Variants in AGAP1 observed in about 807,000 individuals in gnomAD.
AGAP1 encodes arf-GAP with GTPase, ANK repeat and PH domain-containing protein 1.
AGAP1 carries 29 observed loss-of-function variants against 105.3 expected under a neutral mutation model. That is an observed-to-expected ratio of 0.28 (90% confidence interval 0.21 to 0.38). AGAP1 has a LOEUF of 0.38. AGAP1 is among the 10% of genes least tolerant of loss of function. The pLI, the probability that AGAP1 is intolerant of heterozygous loss-of-function variation, is 1.00. For missense variants in AGAP1, 998 were observed against 1,165.1 expected, an observed-to-expected ratio of 0.86 and a Z score of 2.09; for synonymous variants, 509 against 485.9, an observed-to-expected ratio of 1.05 and a Z score of -0.63.
At position 235,753,285 on chromosome 2, in the gene AGAP1, G is replaced by A. The variant is rs578124169; in HGVS notation, c.673+2797G>A. Among the ~76,000 whole-genome samples the A allele has an allele frequency of 2.6e-5, 4 of 152,284 alleles. No individual in the cohort carries two copies. The highest frequency in any genetic ancestry group is 2.1e-4 in the South Asian group (1 of 4,826). ...TTAGTTTAAAATATTCAGAAAAAGC[G>A]TTTCCGTTACTGTGACAGCTCATGT... is the stretch of plus-strand genomic sequence containing the variant. On this transcript the variant is annotated intron_variant, in intron 6 of 17. Transcript: ENST00000304032. This position sits in a 1 kb window ranked among gnomAD's most constrained non-coding sequence, Gnocchi z 4.5.
In AGAP1 at chr2:235,552,884, G is replaced by C. The variant is rs947149324; in HGVS notation, c.163+58035G>C. Among the ~76,000 whole-genome samples the C allele has an allele frequency of 1.2e-4, 18 of 152,204 alleles. No individual in the cohort carries two copies. Among genetic ancestry groups the C allele is most frequent in the African/African-American group, 3.1e-4 (13 of 41,450 alleles). On this transcript the variant is annotated intron_variant, in intron 1 of 17. Transcript: ENST00000304032. This position sits in a 1 kb window ranked among gnomAD's most constrained non-coding sequence, Gnocchi z 5.9. ...CAGAGCATTGGAGGCCTTGTTGTGGGCTCAAGGAGTGCAGAGAGGCAGCGC... is the reference window on the plus strand; with the variant it reads ...CAGAGCATTGGAGGCCTTGTTGTGGCCTCAAGGAGTGCAGAGAGGCAGCGC...
chr2:235,552,023 T>C lies in AGAP1; in HGVS notation c.163+57174T>C, dbSNP rs1943829028. Among the ~76,000 whole-genome samples, 1 of 152,248 alleles carries C rather than the reference T, an allele frequency of 6.6e-6. No individual in the cohort carries two copies. Among genetic ancestry groups the C allele is most frequent in the Non-Finnish European group, 1.5e-5 (1 of 68,048 alleles). On this transcript the variant is annotated intron_variant, in intron 1 of 17. Coordinates refer to ENST00000304032, the MANE Select transcript of AGAP1 (RefSeq NM_001037131.3). This position sits in a 1 kb window ranked among gnomAD's most constrained non-coding sequence, Gnocchi z 5.9. The stretch of plus-strand genomic sequence containing the variant: ...TGGAGTTGTAGAGCTAATGTTTTTT[T>C]CTCTGGTCCCTGCCACCTGCTGGAA...
In AGAP1 at chr2:235,875,418, TC is replaced by T. The variant is rs1439899884; in HGVS notation, c.1051-7925del. On this transcript the variant is annotated intron_variant, in intron 9 of 17. Coordinates refer to ENST00000304032, the MANE Select transcript of AGAP1 (RefSeq NM_001037131.3). This position sits in a 1 kb window ranked among gnomAD's most constrained non-coding sequence, Gnocchi z 4.0. ...GATCTGATTCCCAGCGGACCGGCCT[TC>T]CTCACTCGATGATTGTCAGGGCTGA... Among the ~76,000 whole-genome samples the T allele has an allele frequency of 1.9e-4, 29 of 152,268 alleles. No homozygotes were observed. In the East Asian group the frequency reaches 3.7e-3, roughly 19 times the overall value.
intron 11 of AGAP1, among the ~76,000 whole-genome samples, chr2:235,917,777 G>T (rs755748690): frequency 5.3e-5 from 8 of 152,158 alleles, no homozygotes; most frequent in Non-Finnish European, 1.0e-4. Flanking sequence ...AGTGACAGAC[G>T]CACAGAAGTA....
chr2:235,678,928 A>G (rs141184219), intron 1 of AGAP1, among the ~76,000 whole-genome samples: 1 of 152,208 alleles, frequency 6.6e-6, no homozygotes, highest in East Asian at 1.9e-4. Flanking sequence ...TACCGATGCC[A>G]TTTGTCTTCT....
At chr2:235,679,032 G>A (rs1292140030) in intron 1 of AGAP1, among the ~76,000 whole-genome samples, 1 of 152,230 alleles carries the variant, frequency 6.6e-6, no homozygotes, top group Non-Finnish European at 1.5e-5. Context: ...TTTCAGGTGT[G>A]TGGATAATAC....
intron 13 of AGAP1, among the ~76,000 whole-genome samples, chr2:236,017,844 T>C (rs2056758376): frequency 1.3e-5 from 2 of 152,076 alleles, no homozygotes; most frequent in South Asian, 4.2e-4. Context: ...GGATGGAAAA[T>C]TGGGATTCTG....
At chr2:235,914,578 T>C (rs1018174585) in intron 11 of AGAP1, among the ~76,000 whole-genome samples, 4 of 152,224 alleles carry the variant, frequency 2.6e-5, no homozygotes, top group Non-Finnish European at 4.4e-5. Context: ...TTTCACACTT[T>C]AAAATGCTGG....
rs527754531 is a variant in AGAP1, at chr2:236,089,637, G to A, written c.2115-30555G>A. Among the ~76,000 whole-genome samples, 50 of 152,310 alleles carry A rather than the reference G, an allele frequency of 3.3e-4. No individual in the cohort carries two copies. Among genetic ancestry groups the A allele is most frequent in the African/African-American group, 1.2e-3 (49 of 41,582 alleles). On this transcript the variant is annotated intron_variant, in intron 16 of 17. Coordinates refer to ENST00000304032, the MANE Select transcript of AGAP1 (RefSeq NM_001037131.3). The surrounding 1 kb of genome is among the most constrained non-coding windows in gnomAD (Gnocchi z 5.6). ...GTTTGCACAGAAGAAAAGGGAGGTT[G>A]TTTAACCAGAAAGGCCCTCTGCAAA...
chr2:235,796,583 A>G (rs1957254242), intron 6 of AGAP1, among the ~76,000 whole-genome samples: 1 of 152,134 alleles, frequency 6.6e-6, no homozygotes, highest in Non-Finnish European at 1.5e-5. Flanking sequence ...TTGCATTTTC[A>G]CTTAATCATA....
In AGAP1 at chr2:236,036,474, C is replaced by T; in HGVS notation, c.1646-87C>T. 1.9e-6 allele frequency: 3 copies of T among 1,544,094 alleles called. No individual in the cohort carries two copies. The highest frequency in any genetic ancestry group is 2.6e-6 in the Non-Finnish European group (3 of 1,142,684). On this transcript the variant is annotated intron_variant, in intron 13 of 17. Transcript: ENST00000304032. The surrounding 1 kb of genome is among the most constrained non-coding windows in gnomAD (Gnocchi z 5.7). Reference sequence around the variant, plus strand: ...ACCGGTCCATGCAGGGGCAGCTGAACCCAGAGGCGCTTCTGTGACAGAGGG... The same window carrying T: ...ACCGGTCCATGCAGGGGCAGCTGAATCCAGAGGCGCTTCTGTGACAGAGGG...
intron 6 of AGAP1, chr2:235,774,303 C>T (rs962532638): frequency 2.1e-6 from 1 of 468,834 alleles, no homozygotes; most frequent in East Asian, 7.0e-5. Flanking sequence ...CCTCACACAC[C>T]TGTCGCCAGC....
intron 1 of AGAP1, among the ~76,000 whole-genome samples, chr2:235,540,376 C>T (rs113924406): frequency 8.5e-5 from 13 of 152,284 alleles, no homozygotes; most frequent in African/African-American, 2.4e-4. Flanking sequence ...TGGTCTCAAA[C>T]TCCTGATCTC....
In AGAP1 at chr2:235,620,169, T is replaced by A. The variant is rs968950924; in HGVS notation, c.164-89010T>A. Among the ~76,000 whole-genome samples, 1 of 152,126 alleles carries A rather than the reference T, an allele frequency of 6.6e-6. No individual in the cohort carries two copies. The highest frequency in any genetic ancestry group is 1.5e-5 in the Non-Finnish European group (1 of 68,026). On this transcript the variant is annotated intron_variant, in intron 1 of 17. Transcript: ENST00000304032. This position sits in a 1 kb window ranked among gnomAD's most constrained non-coding sequence, Gnocchi z 4.5. ...ATGGATGCTGACAATAGAACTACTT[T>A]CCAGAAATCAGCAAATGCTGGGCTG... is the stretch of plus-strand genomic sequence containing the variant.
chr2:235,527,473 T>C (rs1271153422), intron 1 of AGAP1, among the ~76,000 whole-genome samples: 1 of 152,168 alleles, frequency 6.6e-6, no homozygotes, highest in East Asian at 1.9e-4. Context: ...TAGGTTCAGG[T>C]GATCCCCCCA....
chr2:236,048,881 C>T (rs1269660626), intron 15 of AGAP1, among the ~76,000 whole-genome samples, 178 bp from the exon 16 acceptor site: 1 of 152,242 alleles, frequency 6.6e-6, no homozygotes, highest in Admixed American at 6.5e-5. Context: ...TACCAACGGC[C>T]AGTCATTTGG....
Position 236,104,628 on chromosome 2 carries a change from T to C in AGAP1, c.2115-15564T>C, listed in dbSNP as rs372590641. 7.9e-4 allele frequency among the ~76,000 whole-genome samples: 120 copies of C among 152,206 alleles called. No individual in the cohort carries two copies. The East Asian group carries it at 0.022, about 27-fold the overall frequency. On this transcript the variant is annotated intron_variant, in intron 16 of 17. Coordinates refer to ENST00000304032, the MANE Select transcript of AGAP1 (RefSeq NM_001037131.3). This position sits in a 1 kb window ranked among gnomAD's most constrained non-coding sequence, Gnocchi z 4.7. ...TGCACAGGCCAGGCGCGGTGGCTCA[T>C]GCCTGTAATGCCAGCACTTTGGGAG...
intron 3 of AGAP1, among the ~76,000 whole-genome samples, chr2:235,726,360 A>G (rs944976107): frequency 4.6e-5 from 7 of 152,206 alleles, no homozygotes; most frequent in Non-Finnish European, 8.8e-5. Context: ...AAGAAACCTC[A>G]CGGCATCAGA....
chr2:235,773,803 G>A (rs1955643981), intron 6 of AGAP1: 1 of 389,762 alleles, frequency 2.6e-6, no homozygotes, highest in South Asian at 2.1e-5. Flanking sequence ...CTAATTAGTT[G>A]AGTGCCCTTT....
Sources: allele counts gnomAD v4.1 joint callset (sites outside exome capture counted in the v4.1 genomes callset), GRCh38; gene constraint gnomAD v4.1.1; non-coding constraint Gnocchi (gnomAD v3.1); transcripts MANE v1.5; gene names NCBI Gene and HGNC (gene_info 2026-07-23, HGNC 2026-07-21).